RNF24: variants seen among roughly 807,000 people sequenced by gnomAD.
RNF24 encodes the protein ring finger protein 24.
In RNF24, 14 loss-of-function variants were observed where a neutral mutation model predicts 20.0. The ratio of observed to expected loss-of-function variants is 0.70; its 90% CI spans 0.46 to 1.10. The LOEUF (loss-of-function observed/expected upper bound fraction) is 1.10, where lower values mean the gene tolerates loss of function less well. Ranked by LOEUF, RNF24 falls within the 50% of genes least tolerant of loss-of-function variation. The probability of loss-of-function intolerance (pLI) is 0.00; values close to 1 mark genes in which losing one functional copy is unlikely to be tolerated. For synonymous variants in RNF24, 45 were observed against 61.1 expected (o/e 0.74, Z 1.23); for missense variants, 124 against 177.6 (o/e 0.70, Z 1.71).
chr20:3,983,940 CAAAAAAAAAAAAAA>C (rs56680870), intron 1 of RNF24, among the ~76,000 whole-genome samples: 1 of 65,668 alleles, frequency 1.5e-5, no homozygotes, highest in South Asian at 6.8e-4. Flanking sequence ...GACTTGGTCT[CAAAAAAAAAAAAAA>C]AAAAAAAAAA....
At chr20:3,990,631 G>A (rs1362436899) in intron 1 of RNF24, among the ~76,000 whole-genome samples, 1 of 152,104 alleles carries the variant, frequency 6.6e-6, no homozygotes, top group Non-Finnish European at 1.5e-5. Context: ...GCCAAGGTGG[G>A]AGGACTGCTT....
At chr20:3,986,208 TTTTC>T (rs1345421601) in intron 1 of RNF24, among the ~76,000 whole-genome samples, 1 of 152,118 alleles carries the variant, frequency 6.6e-6, no homozygotes, top group Non-Finnish European at 1.5e-5. Context: ...GATTTAATTC[TTTTC>T]TTTCTTCCTT....
intron 1 of RNF24, chr20:4,015,119 A>C (rs1982789191): frequency 6.6e-6 from 1 of 152,394 alleles, no homozygotes; most frequent in Admixed American, 6.5e-5. Context: ...GGCTTGGGCG[A>C]GCAGGACGTG....
intron 2 of RNF24, among the ~76,000 whole-genome samples, chr20:3,953,959 G>A (rs1416676202): frequency 6.6e-6 from 1 of 151,692 alleles, no homozygotes; most frequent in Admixed American, 6.6e-5. Flanking sequence ...GTTTCACCAT[G>A]TTGGCCAGGC....
intron 2 of RNF24, among the ~76,000 whole-genome samples, chr20:3,958,130 T>G (rs1312044222): frequency 6.6e-6 from 1 of 152,218 alleles, no homozygotes; most frequent in African/African-American, 2.4e-5. Flanking sequence ...CTACAATATA[T>G]TTTGTTTTCT....
chr20:3,945,109 T>C, intron 4 of RNF24, 68 bp downstream of exon 4: 1 of 1,568,504 alleles, frequency 6.4e-7, no homozygotes, highest in Non-Finnish European at 8.6e-7. Flanking sequence ...TAAAAGTGTT[T>C]AAACATACCA....
chr20:4,000,467 G>A (rs768971775), intron 1 of RNF24, among the ~76,000 whole-genome samples: 1 of 152,162 alleles, frequency 6.6e-6, no homozygotes, highest in Non-Finnish European at 1.5e-5. Flanking sequence ...GGAGGCTGCA[G>A]TGAGCTGAGA....
At chr20:3,992,655 C>T (rs1296386413) in intron 1 of RNF24, among the ~76,000 whole-genome samples, 3 of 152,022 alleles carry the variant, frequency 2.0e-5, no homozygotes, top group Non-Finnish European at 4.4e-5. Context: ...AATTGGTAGA[C>T]TGGACATTGT....
intron 1 of RNF24, among the ~76,000 whole-genome samples, chr20:4,013,428 A>G (rs1330168828): frequency 6.6e-6 from 1 of 152,250 alleles, no homozygotes; most frequent in East Asian, 1.9e-4. Flanking sequence ...ATCATCCAAT[A>G]TAAGCGCCTC....
chr20:4,008,371 T>A (rs1408529678), intron 1 of RNF24, among the ~76,000 whole-genome samples: 1 of 12,344 alleles, frequency 8.1e-5, no homozygotes, highest in Non-Finnish European at 1.7e-4. Context: ...ATATATATAT[T>A]ATATATATAA....
intron 1 of RNF24, among the ~76,000 whole-genome samples, chr20:3,968,888 A>G (rs2091286085): frequency 6.6e-6 from 1 of 152,078 alleles, no homozygotes; most frequent in African/African-American, 2.4e-5. Flanking sequence ...TAGGATAGAA[A>G]AACTGTGATA....
intron 1 of RNF24, among the ~76,000 whole-genome samples, chr20:4,002,924 G>A (rs73086597): frequency 0.12 from 18,740 of 152,152 alleles, 1,456 homozygotes; most frequent in Non-Finnish European, 0.17. Flanking sequence ...ACAGAAAACA[G>A]AAGTCACAGC....
chr20:3,947,582 C>T (rs1217761163), intron 3 of RNF24, among the ~76,000 whole-genome samples: 5 of 152,100 alleles, frequency 3.3e-5, no homozygotes, highest in Admixed American at 3.3e-4. Flanking sequence ...GCTATGTCTT[C>T]TAATAAAGAA....
At chr20:3,973,922 A>G (rs1482401471) in intron 1 of RNF24, among the ~76,000 whole-genome samples, 1 of 152,214 alleles carries the variant, frequency 6.6e-6, no homozygotes, top group Admixed American at 6.5e-5. Flanking sequence ...GCAAAACCAG[A>G]TAAAGACAGT....
In RNF24 at chr20:3,945,215, T is replaced by C. The variant is rs767742598; in HGVS notation, c.190A>G (p.Ile64Val). 5.4e-5 allele frequency: 86 copies of C among 1,593,236 alleles called. 1 individual carries two copies. The South Asian group carries it at 9.4e-4, about 17-fold the overall frequency. ...HKEFYAYKQV[I>V]LKEKVKELNL... ...AATTCTTTTACTTTCTCTTTTAATATAACCTGTAAGACAAAAAAGTATGTT... is the reference window on the plus strand; with the variant it reads ...AATTCTTTTACTTTCTCTTTTAATACAACCTGTAAGACAAAAAAGTATGTT... Residue 64 changes from isoleucine (I) to valine (V), a missense_variant, in exon 4 of 6, where the codon ATA (isoleucine) becomes GTA (valine). Coordinates refer to ENST00000358395, the MANE Select transcript of RNF24 (RefSeq NM_001134337.3).
intron 1 of RNF24, among the ~76,000 whole-genome samples, chr20:4,007,300 A>G (rs936441897): frequency 2.6e-5 from 4 of 152,206 alleles, no homozygotes; most frequent in Non-Finnish European, 5.9e-5. Context: ...GGTTAGAAGT[A>G]CCTGACTCTC....
chr20:3,973,500 C>CAAAAAAAAAAAAAAAAAAAAAA (rs56824542), intron 1 of RNF24, among the ~76,000 whole-genome samples: 2 of 101,106 alleles, frequency 2.0e-5, no homozygotes, highest in African/African-American at 3.9e-5. Context: ...GGAAGAATGA[C>CAAAAAAAAAAAAAAAAAAAAAA]AAAAAAAAAA....
chr20:3,949,694 A>T (rs2091060520), intron 2 of RNF24, among the ~76,000 whole-genome samples: 1 of 152,156 alleles, frequency 6.6e-6, no homozygotes, highest in African/African-American at 2.4e-5. Context: ...AAAAAAAAAT[A>T]AAGTACTCAT....
intron 1 of RNF24, chr20:4,015,102 A>G: frequency 6.6e-6 from 1 of 152,448 alleles, no homozygotes; most frequent in Non-Finnish European, 1.5e-5. Flanking sequence ...CGGGGACCCG[A>G]TGCCAGGGCT....
Sources: allele counts gnomAD v4.1 joint callset (sites outside exome capture counted in the v4.1 genomes callset), GRCh38; gene constraint gnomAD v4.1.1; transcripts MANE v1.5; gene names NCBI Gene and HGNC (gene_info 2026-07-23, HGNC 2026-07-21).